The following FMNL2 variants were observed in gnomAD, a reference collection of about 807,000 sequenced individuals.
FMNL2 encodes formin-like protein 2.
A neutral mutation model predicts 130.2 loss-of-function variants in FMNL2; 51 were observed. The ratio of observed to expected loss-of-function variants is 0.39; its 90% confidence interval spans 0.31 to 0.49. The LOEUF is 0.49. FMNL2 is among the 20% of genes least tolerant of loss of function. FMNL2 has a pLI of 0.85. For synonymous variants in FMNL2, 465 were observed against 467.1 expected (o/e 1.00, Z 0.06); for missense variants, 977 against 1,316.2 (o/e 0.74, Z 3.99).
intron 1 of FMNL2, among the ~76,000 whole-genome samples, chr2:152,490,654 G>T (rs1360581368): frequency 6.9e-6 from 1 of 143,960 alleles, no homozygotes; most frequent in African/African-American, 2.6e-5. Context: ...CCATGCAACG[G>T]CCCACACAAC....
intron 1 of FMNL2, among the ~76,000 whole-genome samples, chr2:152,479,074 C>G (rs574650688): frequency 6.6e-6 from 1 of 151,808 alleles, no homozygotes; most frequent in African/African-American, 2.4e-5. Flanking sequence ...TTTTAGAAAA[C>G]CTTCATTTTC....
intron 21 of FMNL2, among the ~76,000 whole-genome samples, chr2:152,634,886 A>G (rs1682454906): frequency 6.6e-6 from 1 of 151,092 alleles, no homozygotes; most frequent in Non-Finnish European, 1.5e-5. Context: ...GCTGTAGTGG[A>G]TCAGACCAGC....
rs561274334 is a variant in FMNL2, at chr2:152,442,089, C to T, written c.118-79854C>T. Among the ~76,000 whole-genome samples, 72 of 151,826 alleles carry T rather than the reference C, an allele frequency of 4.7e-4. 1 individual carries two copies. The highest frequency in any genetic ancestry group is 9.0e-4 in the Non-Finnish European group (61 of 67,954). ...GGGCCAGGGTGACCAGATGAGGAACCGACAAAATTTAGACACCTGAGAAAG... is the reference window on the plus strand; with the variant it reads ...GGGCCAGGGTGACCAGATGAGGAACTGACAAAATTTAGACACCTGAGAAAG... On this transcript the variant is annotated intron_variant, in intron 1 of 25. Coordinates refer to ENST00000288670, the MANE Select transcript of FMNL2 (RefSeq NM_052905.4).
At chr2:152,611,295 T>C (rs1300914403) in intron 10 of FMNL2, among the ~76,000 whole-genome samples, 200 bp from the exon 11 acceptor site, 2 of 152,052 alleles carry the variant, frequency 1.3e-5, no homozygotes, top group Admixed American at 6.6e-5. Flanking sequence ...GCCGAGATCA[T>C]GCCACTGCAC....
At chr2:152,490,862 G>A (rs532785957) in intron 1 of FMNL2, among the ~76,000 whole-genome samples, 175 of 152,206 alleles carry the variant, frequency 1.1e-3, no homozygotes, top group Middle Eastern at 3.4e-3. Context: ...CAAATGTGTT[G>A]TGTAGCTGGC....
At chr2:152,377,155 A>C (rs778323991) in intron 1 of FMNL2, among the ~76,000 whole-genome samples, 2 of 152,260 alleles carry the variant, frequency 1.3e-5, no homozygotes, top group Non-Finnish European at 2.9e-5. Context: ...ACAGTGGCTG[A>C]CATACTGTAG....
intron 5 of FMNL2, among the ~76,000 whole-genome samples, chr2:152,559,159 A>T (rs1420862638): frequency 6.6e-6 from 1 of 152,228 alleles, no homozygotes; most frequent in East Asian, 1.9e-4. Context: ...GCGATGCAAA[A>T]GAGTGACTCC....
chr2:152,356,305 G>A (rs184698791), intron 1 of FMNL2, among the ~76,000 whole-genome samples: 1 of 152,054 alleles, frequency 6.6e-6, no homozygotes, highest in East Asian at 1.9e-4. Context: ...TTGTATTTTT[G>A]TGTAGACAGG....
chr2:152,529,439 T>C (rs1036114227), intron 2 of FMNL2, among the ~76,000 whole-genome samples: 1 of 152,192 alleles, frequency 6.6e-6, no homozygotes, highest in Non-Finnish European at 1.5e-5. Context: ...CTCTTCATTT[T>C]CTTGAGCTCT....
chr2:152,614,770 A>AAAACAAAAAAC (rs1698863644), intron 11 of FMNL2, 81 bp from the exon 12 acceptor site: 1 of 1,459,150 alleles, frequency 6.9e-7, no homozygotes, highest in Non-Finnish European at 9.2e-7. Flanking sequence ...AACAAAAAAC[A>AAAACAAAAAAC]AAAAAGACAG....
intron 1 of FMNL2, among the ~76,000 whole-genome samples, chr2:152,490,178 C>T (rs1691066530): frequency 6.7e-6 from 1 of 148,870 alleles, no homozygotes; most frequent in South Asian, 2.1e-4. Flanking sequence ...GGGAAACTTG[C>T]AAAAAAAGGG....
chr2:152,573,337 A>T (rs536855432), intron 6 of FMNL2, among the ~76,000 whole-genome samples: 1 of 152,322 alleles, frequency 6.6e-6, no homozygotes, highest in East Asian at 1.9e-4. Flanking sequence ...TGAACATTTG[A>T]TAAAGAACTA....
chr2:152,556,204 G>A (rs1695193841), intron 4 of FMNL2, among the ~76,000 whole-genome samples: 1 of 152,094 alleles, frequency 6.6e-6, no homozygotes, highest in African/African-American at 2.4e-5. Flanking sequence ...AAATGACTTT[G>A]CTAAGCTAAC....
At chr2:152,365,275 G>A (rs1447454741) in intron 1 of FMNL2, among the ~76,000 whole-genome samples, 5 of 152,164 alleles carry the variant, frequency 3.3e-5, no homozygotes, top group Admixed American at 3.3e-4. Flanking sequence ...GAGAGGTGGG[G>A]AGCAGTTTTG....
chr2:152,578,161 A>G (rs1210792644), intron 7 of FMNL2, among the ~76,000 whole-genome samples: 1 of 152,108 alleles, frequency 6.6e-6, no homozygotes, highest in Non-Finnish European at 1.5e-5. Flanking sequence ...ATCTGTGTGG[A>G]TAGATTGATG....
At chr2:152,613,832 A>C (rs908459766) in intron 11 of FMNL2, among the ~76,000 whole-genome samples, 1 of 152,212 alleles carries the variant, frequency 6.6e-6, no homozygotes, top group Non-Finnish European at 1.5e-5. Flanking sequence ...TTCCCCAGGG[A>C]AAGTCATGAC....
chr2:152,367,081 T>TG (rs1683601473), intron 1 of FMNL2, among the ~76,000 whole-genome samples: 3 of 151,454 alleles, frequency 2.0e-5, no homozygotes, highest in Admixed American at 2.0e-4. Flanking sequence ...GTGTTTGTTT[T>TG]TTTTTTTTTT....
At chr2:152,605,571 C>T (rs180976046) in intron 9 of FMNL2, among the ~76,000 whole-genome samples, 6 of 152,296 alleles carry the variant, frequency 3.9e-5, no homozygotes, top group South Asian at 4.1e-4. Flanking sequence ...GCGATCCTCC[C>T]GCTTTGGCCT....
intron 1 of FMNL2, among the ~76,000 whole-genome samples, chr2:152,346,888 G>A (rs546593063): frequency 6.6e-6 from 1 of 152,056 alleles, no homozygotes; most frequent in Non-Finnish European, 1.5e-5. Flanking sequence ...TCAGGAGTTC[G>A]AGACCAGCCT....
Sources: allele counts gnomAD v4.1 joint callset (sites outside exome capture counted in the v4.1 genomes callset), GRCh38; gene constraint gnomAD v4.1.1; transcripts MANE v1.5; gene names NCBI Gene and HGNC (gene_info 2026-07-23, HGNC 2026-07-21).